The following LIFR variants were observed in gnomAD, a reference collection of about 807,000 sequenced individuals.
The protein encoded by LIFR is leukemia inhibitory factor receptor.
Under a neutral mutation model 122.2 loss-of-function variants are expected in LIFR, and 84 were observed. That is an observed-to-expected ratio of 0.69 (90% confidence interval 0.58 to 0.82). The LOEUF is 0.82. Ranked by LOEUF, LIFR falls within the 40% of genes least tolerant of loss-of-function variation. The pLI is 0.00. For missense variants in LIFR, 1,294 were observed against 1,311.6 expected (o/e 0.99, Z 0.21); for synonymous variants, 422 against 434.7 (o/e 0.97, Z 0.36).
rs186429110 is a variant in LIFR at position 38,510,619 on chromosome 5, G to A, written c.836C>T (p.Ser279Leu). ...GCAGTTTGTATGGCCAATCAGTGCT[G>A]ATAACACTTTTTCTTGACTCACACA... Reference protein sequence around the residue: ...FCCVSQEKVLSALIGHTNCPL... With the variant: ...FCCVSQEKVLLALIGHTNCPL... The change falls in exon 7 of 20, where the codon TCA becomes TTA. Residue 279 changes from serine to leucine, a missense_variant. Coordinates refer to ENST00000453190, the MANE Select transcript of LIFR (RefSeq NM_001127671.2). 4 of 1,614,026 alleles carry A rather than the reference G, an allele frequency of 2.5e-6. No individual in the cohort carries two copies. The highest frequency in any genetic ancestry group is 1.1e-5 in the South Asian group (1 of 91,082).
chr5:38,602,717 C>T (rs1750244725), intron 2 of LIFR, among the ~76,000 whole-genome samples: 1 of 152,128 alleles, frequency 6.6e-6, no homozygotes, highest in Non-Finnish European at 1.5e-5. Context: ...CTTATTGTTA[C>T]AGGTAGTTAG....
chr5:38,516,329 T>A (rs1440595950), intron 5 of LIFR, among the ~76,000 whole-genome samples: 1 of 152,152 alleles, frequency 6.6e-6, no homozygotes, highest in Non-Finnish European at 1.5e-5. Flanking sequence ...AAAGGGCTAA[T>A]ATCCAGAATC....
intron 9 of LIFR, 114 bp downstream of exon 9, chr5:38,505,791 T>G (rs902395520): frequency 9.0e-6 from 4 of 442,194 alleles, no homozygotes; most frequent in African/African-American, 4.1e-5. Context: ...AAATTAATAT[T>G]AAGTAACTAT....
At chr5:38,483,535 C>A (rs1225988307) in intron 18 of LIFR, among the ~76,000 whole-genome samples, 1 of 152,112 alleles carries the variant, frequency 6.6e-6, no homozygotes, top group Non-Finnish European at 1.5e-5. Flanking sequence ...GATTCTCCTG[C>A]CTCAGCCTCC....
intron 1 of LIFR, among the ~76,000 whole-genome samples, chr5:38,554,536 G>C (rs1490536451): frequency 2.0e-5 from 3 of 152,192 alleles, no homozygotes; most frequent in Admixed American, 2.0e-4. Context: ...CTCAGCAGCT[G>C]TTAGAGAATG....
intron 16 of LIFR, among the ~76,000 whole-genome samples, chr5:38,486,506 A>C (rs1177312739): frequency 6.6e-6 from 1 of 152,232 alleles, no homozygotes; most frequent in East Asian, 1.9e-4. Flanking sequence ...CTTCAAAAGG[A>C]AGAGTGAGGA....
At chr5:38,500,890 T>C (rs1745139069) in intron 11 of LIFR, among the ~76,000 whole-genome samples, 1 of 152,152 alleles carries the variant, frequency 6.6e-6, no homozygotes, top group Admixed American at 6.5e-5. Context: ...GCATAAAAGA[T>C]ACTGTTCAGT....
At chr5:38,485,600 T>C in intron 17 of LIFR, 1 of 593,506 alleles carries the variant, frequency 1.7e-6, no homozygotes, top group Non-Finnish European at 3.0e-6. Context: ...AATTCATTAA[T>C]TTCTTAGGTA....
At chr5:38,588,739 A>T (rs895788930) in intron 1 of LIFR, among the ~76,000 whole-genome samples, 1 of 152,228 alleles carries the variant, frequency 6.6e-6, no homozygotes, top group Admixed American at 6.5e-5. Flanking sequence ...TACAATGCTC[A>T]GGAAAGAAAT....
chr5:38,539,677 G>A (rs569608361), intron 1 of LIFR, among the ~76,000 whole-genome samples: 31 of 148,594 alleles, frequency 2.1e-4, no homozygotes, highest in African/African-American at 7.7e-4. Context: ...TTGGTTTTTT[G>A]GGGGGGGTAA....
intron 1 of LIFR, among the ~76,000 whole-genome samples, chr5:38,553,585 A>G (rs551397104): frequency 7.7e-6 from 1 of 129,170 alleles, no homozygotes; most frequent in African/African-American, 2.8e-5. Context: ...AGGCAAGAGA[A>G]TGCCTTAAAT....
intron 17 of LIFR, among the ~76,000 whole-genome samples, 156 bp from the exon 18 acceptor site, chr5:38,485,024 C>G (rs906136494): frequency 2.0e-5 from 3 of 152,172 alleles, no homozygotes; most frequent in African/African-American, 7.2e-5. Flanking sequence ...ATCAAACTTT[C>G]AGGTATTGTG....
intron 16 of LIFR, among the ~76,000 whole-genome samples, 192 bp from the exon 17 acceptor site, chr5:38,486,172 C>CT (rs1744277997): frequency 1.3e-5 from 2 of 152,144 alleles, no homozygotes; most frequent in Admixed American, 1.3e-4. Flanking sequence ...GTATGGGCCC[C>CT]TTATTTAAAC....
chr5:38,543,535 A>G (rs1747706065), intron 1 of LIFR, among the ~76,000 whole-genome samples: 1 of 152,210 alleles, frequency 6.6e-6, no homozygotes. Context: ...AGAGCTCACT[A>G]TGTGGTAGGC....
At chr5:38,506,986 G>A (rs1330290795) in intron 7 of LIFR, among the ~76,000 whole-genome samples, 1 of 152,048 alleles carries the variant, frequency 6.6e-6, no homozygotes, top group Non-Finnish European at 1.5e-5. Flanking sequence ...GAAATCTACA[G>A]GTTAAAAGTA....
At chr5:38,525,440 A>T (rs1314231150) in intron 4 of LIFR, among the ~76,000 whole-genome samples, 1 of 152,208 alleles carries the variant, frequency 6.6e-6, no homozygotes, top group Non-Finnish European at 1.5e-5. Context: ...GAATATGCTA[A>T]ATAACAAAAA....
intron 1 of LIFR, among the ~76,000 whole-genome samples, chr5:38,589,093 G>T (rs373675063): frequency 2.7e-5 from 4 of 150,772 alleles, no homozygotes; most frequent in African/African-American, 9.8e-5. Context: ...GGCCTCCTGG[G>T]TTCATGCCAT....
chr5:38,527,544 T>C (rs1456478321), intron 3 of LIFR, among the ~76,000 whole-genome samples: 1 of 152,158 alleles, frequency 6.6e-6, no homozygotes, highest in Non-Finnish European at 1.5e-5. Context: ...GCTGGAGTTT[T>C]TGCATGCCTT....
In LIFR at chr5:38,499,562, G is replaced by GT; in HGVS notation, c.1621dup (p.Thr541AsnfsTer8). On this transcript the variant is annotated frameshift_variant, in exon 12 of 20. Coordinates refer to ENST00000453190, the MANE Select transcript of LIFR (RefSeq NM_001127671.2). LOFTEE classifies it high-confidence loss of function. ...TCCATCAGAACTCCACTCTCTCCAA[G>GT]TATCAGGCCCCTTTGAAGGACCTAA... 1.2e-6 allele frequency: 2 copies of GT among 1,607,954 alleles called. No individual in the cohort carries two copies. Among genetic ancestry groups the GT allele is most frequent in the Non-Finnish European group, 1.7e-6 (2 of 1,174,462 alleles).
Sources: gnomAD v4.1 joint callset for allele counts (sites outside exome capture counted in the v4.1 genomes callset) on GRCh38, gnomAD v4.1.1 for gene constraint, MANE v1.5 for transcripts, NCBI Gene and HGNC (gene_info 2026-07-23, HGNC 2026-07-21) for gene names.